SCHIP1: variants seen among roughly 807,000 people sequenced by gnomAD.
SCHIP1 encodes the protein schwannomin interacting protein 1.
In SCHIP1, 8 loss-of-function variants were observed where a neutral mutation model predicts 29.7. The observed-to-expected ratio is 0.27, with a 90% CI of 0.16 to 0.49. The LOEUF (loss-of-function observed/expected upper bound fraction) is 0.49. SCHIP1 is among the 20% of genes least tolerant of loss of function. The pLI, the probability that SCHIP1 is intolerant of heterozygous loss-of-function variation, is 0.99. For missense variants in SCHIP1, 193 were observed against 294.6 expected, an observed-to-expected ratio of 0.66 and a Z score of 2.52; for synonymous variants, 76 against 94.9, an observed-to-expected ratio of 0.80 and a Z score of 1.16.
chr3:159,587,858 C>A, the SCHIP1 span, among the ~76,000 whole-genome samples: 2 of 152,186 alleles, frequency 1.3e-5, no homozygotes, highest in Non-Finnish European at 2.9e-5. Context: ...TTTCTTAACC[C>A]AGTCTATCAT....
chr3:159,775,895 A>C, the SCHIP1 span, among the ~76,000 whole-genome samples: 1 of 152,198 alleles, frequency 6.6e-6, no homozygotes, highest in Admixed American at 6.5e-5. Flanking sequence ...CAGTGTTGTA[A>C]ATTTAGATTT....
the SCHIP1 span, among the ~76,000 whole-genome samples, chr3:159,741,494 GA>G: frequency 6.6e-6 from 1 of 152,186 alleles, no homozygotes; most frequent in African/African-American, 2.4e-5. Context: ...GACATTTCTA[GA>G]TTCCTTACTC....
At chr3:159,624,248 A>T in the SCHIP1 span, among the ~76,000 whole-genome samples, 1 of 152,212 alleles carries the variant, frequency 6.6e-6, no homozygotes, top group Admixed American at 6.5e-5. Context: ...AGAACATGAG[A>T]TTTGAAAATA....
chr3:159,421,129 T>G, the SCHIP1 span, among the ~76,000 whole-genome samples: 1 of 152,220 alleles, frequency 6.6e-6, no homozygotes, highest in Non-Finnish European at 1.5e-5. Context: ...GATCCTGCAT[T>G]CTCTAGACAT....
At chr3:159,747,481 T>C in the SCHIP1 span, among the ~76,000 whole-genome samples, 3 of 152,328 alleles carry the variant, frequency 2.0e-5, no homozygotes, top group East Asian at 1.9e-4. Context: ...ACTTAGCACA[T>C]AAGACCTGTG....
At chr3:159,613,216 A>G in the SCHIP1 span, among the ~76,000 whole-genome samples, 3,765 of 152,310 alleles carry the variant, frequency 0.025, 166 homozygotes, top group African/African-American at 0.086. Context: ...GCAAGATAGA[A>G]TATGAGAGAC....
At chr3:159,809,811 G>A in the SCHIP1 span, among the ~76,000 whole-genome samples, 2 of 152,034 alleles carry the variant, frequency 1.3e-5, no homozygotes, top group Non-Finnish European at 2.9e-5. Flanking sequence ...GACCAGCCTG[G>A]GCAACATGGT....
the SCHIP1 span, among the ~76,000 whole-genome samples, chr3:159,775,394 C>A: frequency 6.6e-6 from 1 of 152,190 alleles, no homozygotes; most frequent in Non-Finnish European, 1.5e-5. Context: ...CCCAGCCAGG[C>A]CTGCAGACAG....
At chr3:159,492,019 A>G in the SCHIP1 span, among the ~76,000 whole-genome samples, 1 of 152,238 alleles carries the variant, frequency 6.6e-6, no homozygotes, top group Non-Finnish European at 1.5e-5. Flanking sequence ...GTAAACTCCA[A>G]CAGACCTGCG....
At chr3:159,648,772 G>A in the SCHIP1 span, among the ~76,000 whole-genome samples, 191 of 151,726 alleles carry the variant, frequency 1.3e-3, no homozygotes, top group South Asian at 0.01. Flanking sequence ...TAGCTGTGGC[G>A]GGCCCCCTCT....
chr3:159,569,842 T>A, the SCHIP1 span, among the ~76,000 whole-genome samples: 5 of 152,230 alleles, frequency 3.3e-5, no homozygotes, highest in Non-Finnish European at 5.9e-5. Context: ...GTTTCCTGAC[T>A]TTTTAATGAT....
chr3:159,468,661 G>T, the SCHIP1 span, among the ~76,000 whole-genome samples: 1 of 146,756 alleles, frequency 6.8e-6, no homozygotes, highest in Non-Finnish European at 1.5e-5. Context: ...TTGGCTTCAT[G>T]GTATGTTATT....
chr3:159,825,200 G>A, the SCHIP1 span, among the ~76,000 whole-genome samples: 1 of 152,144 alleles, frequency 6.6e-6, no homozygotes, highest in Non-Finnish European at 1.5e-5. Flanking sequence ...AAAAAAACTA[G>A]GCTTTTTTTT....
chr3:159,774,265 C>G, the SCHIP1 span, among the ~76,000 whole-genome samples: 2 of 152,266 alleles, frequency 1.3e-5, no homozygotes, highest in South Asian at 2.1e-4. Flanking sequence ...CTCCTTGTTT[C>G]TCAGATGGTC....
the SCHIP1 span, among the ~76,000 whole-genome samples, chr3:159,558,447 A>G: frequency 2.7e-4 from 41 of 152,356 alleles, no homozygotes; most frequent in East Asian, 6.9e-3. Context: ...AAGAGAATCC[A>G]GGAGAGATTT....
the SCHIP1 span, among the ~76,000 whole-genome samples, chr3:159,558,130 T>A: frequency 6.6e-6 from 1 of 151,856 alleles, no homozygotes; most frequent in South Asian, 2.1e-4. Flanking sequence ...GTATCAAGAG[T>A]CAGAAGACAA....
At chr3:159,419,659 A>C in the SCHIP1 span, among the ~76,000 whole-genome samples, 1 of 152,120 alleles carries the variant, frequency 6.6e-6, no homozygotes, top group African/African-American at 2.4e-5. Context: ...AAATGCAAAA[A>C]TTAGCTAGGC....
rs143670379 is a variant in SCHIP1, at chr3:159,862,285, T to A, written c.31-3878T>A. ...CTTACTCTTTAATGTGGAAAAGTGA[T>A]GAGAAAAAGCAGAAAGATCTGGTAT... On this transcript the variant is annotated intron_variant, in intron 1 of 6. Coordinates refer to ENST00000445224, the Ensembl canonical transcript of SCHIP1. 4.6e-3 allele frequency among the ~76,000 whole-genome samples: 699 copies of A among 152,322 alleles called. 6 individuals are homozygous for A. Among genetic ancestry groups the A allele is most frequent in the African/African-American group, 0.016 (674 of 41,562 alleles).
the SCHIP1 span, among the ~76,000 whole-genome samples, chr3:159,555,561 G>A: frequency 6.6e-6 from 1 of 152,146 alleles, no homozygotes; most frequent in African/African-American, 2.4e-5. Flanking sequence ...CTTTCTTGAT[G>A]AGCAAATTCT....
Sources: allele counts gnomAD v4.1 joint callset (sites outside exome capture counted in the v4.1 genomes callset), GRCh38; gene constraint gnomAD v4.1.1; transcripts MANE v1.5; gene names NCBI Gene and HGNC (gene_info 2026-07-23, HGNC 2026-07-21).